IGBP1C: variants seen among roughly 807,000 people sequenced by gnomAD.
The protein encoded by IGBP1C is IGBP1 family member C, also known as immunoglobulin-binding protein 1 family member C.
the IGBP1C span, among the ~76,000 whole-genome samples, chr17:58,664,022 CCT>C: frequency 2.0e-5 from 3 of 152,070 alleles, no homozygotes; most frequent in African/African-American, 7.2e-5. Flanking sequence ...AGAGTGAGAC[CCT>C]GTCTTAACCG....
chr17:58,687,767 T>G, the IGBP1C span, among the ~76,000 whole-genome samples: 1 of 152,214 alleles, frequency 6.6e-6, no homozygotes, highest in Non-Finnish European at 1.5e-5. Context: ...AAATGTCTCG[T>G]TATTGGAATA....
chr17:58,689,431 G>T, the IGBP1C span, among the ~76,000 whole-genome samples: 1 of 151,834 alleles, frequency 6.6e-6, no homozygotes, highest in Non-Finnish European at 1.5e-5. Flanking sequence ...ATGTTGGCCA[G>T]GATGGTCTTG....
At chr17:58,670,771 TTAAAAAAAA>T in the IGBP1C span, among the ~76,000 whole-genome samples, 8 of 7,954 alleles carry the variant, frequency 1.0e-3, no homozygotes, top group South Asian at 0.012. Context: ...AGACTCCCTC[TTAAAAAAAA>T]AAAAAAAAAA....
the IGBP1C span, among the ~76,000 whole-genome samples, chr17:58,669,733 C>CAAAAA: frequency 2.4e-3 from 132 of 56,162 alleles, 2 homozygotes; most frequent in East Asian, 4.0e-3. Context: ...GACTCCGTCT[C>CAAAAA]AAAAAAAAAA....
the IGBP1C span, among the ~76,000 whole-genome samples, chr17:58,687,054 T>C: frequency 6.6e-6 from 1 of 151,802 alleles, no homozygotes; most frequent in Non-Finnish European, 1.5e-5. Context: ...TGAAGGCCCA[T>C]GGGATGTGAC....
At chr17:58,664,478 G>A in the IGBP1C span, among the ~76,000 whole-genome samples, 1 of 152,184 alleles carries the variant, frequency 6.6e-6, no homozygotes, top group Non-Finnish European at 1.5e-5. Context: ...CTTACATGTA[G>A]CACATACTTC....
the IGBP1C span, among the ~76,000 whole-genome samples, chr17:58,684,936 T>A: frequency 6.6e-6 from 1 of 152,094 alleles, no homozygotes; most frequent in African/African-American, 2.4e-5. Context: ...AAATCATGCC[T>A]AGGTGACAGA....
chr17:58,666,830 CTTGGTG>C, the IGBP1C span: 2 of 152,140 alleles, frequency 1.3e-5, no homozygotes, highest in Admixed American at 1.3e-4. Flanking sequence ...TATACTATAT[CTTGGTG>C]TTGGTAACAG....
the IGBP1C span, among the ~76,000 whole-genome samples, chr17:58,683,239 GGCAC>G: frequency 6.6e-6 from 1 of 151,414 alleles, no homozygotes; most frequent in Non-Finnish European, 1.5e-5. Flanking sequence ...TGGGCATGGT[GGCAC>G]GTGTCTGTAA....
the IGBP1C span, chr17:58,661,694 G>A: frequency 1.7e-6 from 1 of 594,488 alleles, no homozygotes; most frequent in Non-Finnish European, 3.0e-6. Context: ...TGAATCGGGC[G>A]CTGCACGGCA....
the IGBP1C span, among the ~76,000 whole-genome samples, chr17:58,663,453 AAT>A: frequency 6.7e-6 from 1 of 150,348 alleles, no homozygotes; most frequent in Non-Finnish European, 1.5e-5. Flanking sequence ...CATTAATGCC[AAT>A]GTAACTGAAT....
chr17:58,684,185 T>C, the IGBP1C span, among the ~76,000 whole-genome samples: 1 of 149,758 alleles, frequency 6.7e-6, no homozygotes, highest in African/African-American at 2.5e-5. Flanking sequence ...CCGCCCGGCA[T>C]GGTGACTCAC....
chr17:58,660,541 G>T, the IGBP1C span: 1 of 765,676 alleles, frequency 1.3e-6, no homozygotes. Context: ...GGCGGGGAAG[G>T]TGTGCACCCT....
At chr17:58,662,431 A>G in the IGBP1C span, among the ~76,000 whole-genome samples, 2 of 151,174 alleles carry the variant, frequency 1.3e-5, no homozygotes, top group African/African-American at 4.8e-5. Flanking sequence ...ACACACACAC[A>G]CACACACACA....
chr17:58,684,820 A>G, the IGBP1C span, among the ~76,000 whole-genome samples: 3 of 151,752 alleles, frequency 2.0e-5, no homozygotes, highest in South Asian at 6.3e-4. Flanking sequence ...ACTAAAAAAT[A>G]CAAAAATTAG....
the IGBP1C span, chr17:58,666,680 C>G: frequency 6.6e-6 from 1 of 152,176 alleles, no homozygotes; most frequent in African/African-American, 2.4e-5. Flanking sequence ...CACAGTATTT[C>G]TCCTGACAGG....
the IGBP1C span, among the ~76,000 whole-genome samples, chr17:58,671,753 T>A: frequency 1.4e-4 from 21 of 152,318 alleles, no homozygotes; most frequent in South Asian, 4.4e-3. Context: ...GTTTTCTTGT[T>A]CTATTTTCTC....
the IGBP1C span, among the ~76,000 whole-genome samples, chr17:58,676,258 C>T: frequency 2.0e-5 from 3 of 152,090 alleles, no homozygotes; most frequent in Non-Finnish European, 4.4e-5. Context: ...TGCCTGTAAT[C>T]CCAGCTACTC....
At chr17:58,685,679 A>G in the IGBP1C span, among the ~76,000 whole-genome samples, 1 of 151,882 alleles carries the variant, frequency 6.6e-6, no homozygotes, top group Non-Finnish European at 1.5e-5. Context: ...CCTTATTAAG[A>G]AATTTGGTCT....
Sources: allele counts gnomAD v4.1 joint callset (sites outside exome capture counted in the v4.1 genomes callset), GRCh38; gene constraint gnomAD v4.1.1; transcripts MANE v1.5; gene names NCBI Gene and HGNC (gene_info 2026-07-23, HGNC 2026-07-21).